The following GRM6 variants were observed in gnomAD, a reference collection of about 807,000 sequenced individuals.
The protein encoded by GRM6 is metabotropic glutamate receptor 6.
GRM6 carries 73 observed loss-of-function variants against 78.4 expected under a neutral mutation model. The observed-to-expected ratio is 0.93, with a 90% CI of 0.77 to 1.13. The LOEUF (loss-of-function observed/expected upper bound fraction) is 1.13. GRM6 is among the 50% of genes most tolerant of loss of function. The pLI is 0.00. For synonymous variants in GRM6, 580 were observed against 555.0 expected (o/e 1.05, Z -0.63); for missense variants, 1,251 against 1,256.4 (o/e 1.00, Z 0.07).
At chr5:178,989,215 T>TCCCCCCCCCCCCCCCCCCCCCCCCC in intron 6 of GRM6, 50 bp downstream of exon 6, 1 of 886,720 alleles carries the variant, frequency 1.1e-6, no homozygotes, top group Non-Finnish European at 1.6e-6. Context: ...CTCCCCACCC[T>TCCCCCCCCCCCCCCCCCCCCCCCCC]CACCACCCTC....
At position 178,994,845 on chromosome 5, in the gene GRM6, G is replaced by A. The variant is rs1207061592; in HGVS notation, c.100C>T (p.Arg34Cys). ...AGLARAAGSV[R>C]LAGGLTLGGL... ...CCCAGCGTCAGGCCGCCCGCCAGGC[G>A]CACAGAGCCCGCCGCGCGCGCCAGG... Residue 34 changes from arginine to cysteine, a missense_variant, in exon 2 of 11, where the codon CGC becomes TGC. Transcript: ENST00000517717. 8.2e-7 allele frequency: 1 copy of A among 1,222,186 alleles called. No individual in the cohort carries two copies. Among genetic ancestry groups the A allele is most frequent in the Non-Finnish European group, 1.0e-6 (1 of 981,778 alleles). The allele number at this position is 1,222,186 out of a possible 1,614,324, so 75.7% of individuals were successfully genotyped here. A position where few individuals can be genotyped will look rare whatever the true frequency, so the allele number is the denominator to read the frequency against.
intron 9 of GRM6, 46 bp downstream of exon 9, chr5:178,986,084 G>C (rs1760534282): frequency 7.0e-6 from 11 of 1,574,222 alleles, no homozygotes; most frequent in Non-Finnish European, 9.5e-6. Flanking sequence ...TAACGTTGCG[G>C]ACAGTCCCCC....
intron 5 of GRM6, 60 bp downstream of exon 5, chr5:178,990,532 C>A: frequency 7.3e-7 from 1 of 1,376,906 alleles, no homozygotes; most frequent in Non-Finnish European, 1.0e-6. Context: ...AAATGAGCAT[C>A]CCCAAGAGGG....
chr5:178,981,752 G>A lies in GRM6; in HGVS notation c.2539C>T (p.Pro847Ser). ...TTTCGCTTCTGCACATTCTGCTCTG[G>A]ATGGAAGAGGATGACGTAGGTTTTG... The part of the protein sequence containing the change: ...VPKTYVILFH[P>S]EQNVQKRKRS... Residue 847 changes from proline to serine, a missense_variant, in exon 11 of 11, where the codon CCA becomes TCA. Physicochemically the swap from Pro to Ser is moderately conservative, Grantham distance 74. Transcript: ENST00000517717. This position sits in a 1 kb window ranked among gnomAD's most constrained non-coding sequence, Gnocchi z 5.1. 6.2e-7 allele frequency: 1 copy of A among 1,613,584 alleles called. No homozygotes were observed.
chr5:178,986,034 C>A (rs1760532947), intron 9 of GRM6, 96 bp downstream of exon 9: 2 of 1,171,058 alleles, frequency 1.7e-6, no homozygotes, highest in African/African-American at 3.0e-5. Flanking sequence ...GGTGCTGGGA[C>A]TACAGGCGTG....
chr5:178,984,541 C>T (rs529741577), intron 9 of GRM6, among the ~76,000 whole-genome samples: 11 of 152,054 alleles, frequency 7.2e-5, no homozygotes, highest in African/African-American at 9.7e-5. Context: ...CAGTGTGGGG[C>T]GGGCAGTGGC....
At chr5:178,985,173 T>C (rs1760486572) in intron 9 of GRM6, 3 of 430,704 alleles carry the variant, frequency 7.0e-6, no homozygotes, top group Admixed American at 2.5e-5. Context: ...GACTCCCTTG[T>C]GGAAACAGGA....
chr5:178,985,769 C>A, intron 9 of GRM6: 2 of 460,952 alleles, frequency 4.3e-6, no homozygotes, highest in Middle Eastern at 3.3e-4. Flanking sequence ...CGGCATTTAT[C>A]TTTTTGTTTT....
chr5:178,991,434 C>G lies in GRM6; in HGVS notation c.847G>C (p.Asp283His). 6.2e-7 allele frequency: 1 copy of G among 1,614,056 alleles called. No individual in the cohort carries two copies. The highest frequency in any genetic ancestry group is 8.5e-7 in the Non-Finnish European group (1 of 1,179,964). Residue 283 changes from aspartate (D) to histidine (H), a missense_variant, in exon 4 of 11, where the codon GAT becomes CAT. Coordinates refer to ENST00000517717, the MANE Select transcript of GRM6 (RefSeq NM_000843.4). The surrounding 1 kb of genome is among the most constrained non-coding windows in gnomAD (Gnocchi z 5.0). ...ARGIIIFANE[D>H]DIRRVLEAAR... ...GTGCCACTGTCCCACCTGATGTCAT[C>G]CTCATTGGCAAAGATGATGATGCCC...
At position 178,994,268 on chromosome 5, in the gene GRM6, G is replaced by T. The variant is rs2856359; in HGVS notation, c.504+173C>A. On this transcript the variant is annotated intron_variant, in intron 2 of 10. Transcript: ENST00000517717. ...TGGGCGGCTGGAGTGTTTGGGTGGA[G>T]CCGATTCAGGCCTGCGTCGGGCTCA... 0.98 allele frequency among the ~76,000 whole-genome samples: 149,879 copies of T among 152,316 alleles called. 73,793 individuals are homozygous for T. Among genetic ancestry groups the T allele is most frequent in the East Asian group, 1 (5,148 of 5,148 alleles).
At position 178,985,640 on chromosome 5, in the gene GRM6, T is replaced by C. The variant is rs540104499; in HGVS notation, c.2124+490A>G. ...ATGGCGTGAACCCGGAAGGCAGAGC[T>C]TGCAGGGAGCTGAGATAGTGCCACT... On this transcript the variant is annotated intron_variant, in intron 9 of 10. Coordinates refer to ENST00000517717, the MANE Select transcript of GRM6 (RefSeq NM_000843.4). The C allele has an allele frequency of 4.0e-3, 1,497 of 377,562 alleles. 10 individuals are homozygous for C. The highest frequency in any genetic ancestry group is 4.8e-3 in the Non-Finnish European group (927 of 192,802). The allele number at this position is 377,562 out of a possible 1,614,324, so 23.4% of individuals were successfully genotyped here.
intron 9 of GRM6, chr5:178,985,719 A>G (rs1561717092): frequency 2.4e-6 from 1 of 417,884 alleles, no homozygotes; most frequent in Admixed American, 3.0e-5. Context: ...AAAAAACAAA[A>G]CAACACAGGA....
chr5:178,982,705 GAAA>G (rs1030286822), intron 10 of GRM6: 14 of 360,566 alleles, frequency 3.9e-5, no homozygotes, highest in African/African-American at 2.0e-4. Context: ...AAAAAAAAAA[GAAA>G]AAAAGAAGAG....
Position 178,984,838 on chromosome 5 carries a change from G to A in GRM6, c.2124+1292C>T, listed in dbSNP as rs565520664. ...GGACAGCACCGGGAGTGCTCCAAAC[G>A]GGTGAGCAGGTGTTCGCACTGAGGC... On this transcript the variant is annotated intron_variant, in intron 9 of 10. Coordinates refer to ENST00000517717, the MANE Select transcript of GRM6 (RefSeq NM_000843.4). Among the ~76,000 whole-genome samples, 38 of 152,204 alleles carry A rather than the reference G, an allele frequency of 2.5e-4. 1 individual carries two copies. The South Asian group carries it at 6.4e-3, about 26-fold the overall frequency.
chr5:178,985,064 C>A (rs559834093), intron 9 of GRM6, among the ~76,000 whole-genome samples: 7 of 152,116 alleles, frequency 4.6e-5, no homozygotes, highest in African/African-American at 1.7e-4. Flanking sequence ...ACGGCCAGCA[C>A]GAAACGCTGG....
At position 178,991,851 on chromosome 5, in the gene GRM6, G is replaced by C. The variant is rs3733913; in HGVS notation, c.721+16C>G. 183 of 1,606,128 alleles carry C rather than the reference G, an allele frequency of 1.1e-4. 1 individual carries two copies. The East Asian group carries it at 4.0e-3, about 36-fold the overall frequency. ...CACTATGTAGACTCCTTGGTGCCTC[G>C]GAGCCCCCAGCTCACCAGCCTCTCG... On this transcript the variant is annotated intron_variant, in intron 3 of 10. Coordinates refer to ENST00000517717, the MANE Select transcript of GRM6 (RefSeq NM_000843.4). This position sits in a 1 kb window ranked among gnomAD's most constrained non-coding sequence, Gnocchi z 5.0.
chr5:178,990,651 C>A lies in GRM6; in HGVS notation c.953G>T (p.Ser318Ile), dbSNP rs755939082. 23 of 1,611,898 alleles carry A rather than the reference C, an allele frequency of 1.4e-5. No homozygotes were observed. Among genetic ancestry groups the A allele is most frequent in the East Asian group, 1.1e-4 (5 of 44,822 alleles). Residue 318 changes from serine (S) to isoleucine (I), a missense_variant, in exon 5 of 11, where the codon AGC (serine) becomes ATC (isoleucine). By Grantham distance (142) the Ser-to-Ile change is moderately radical. Transcript: ENST00000517717. ...GGCCCCAACGGCCACGTCCTCCAGGCTCAAGATGGGTGAGGTCTTGGCTCC... is the reference window on the plus strand; with the variant it reads ...GGCCCCAACGGCCACGTCCTCCAGGATCAAGATGGGTGAGGTCTTGGCTCC... ...SWGAKTSPIL[S>I]LEDVAVGAIT...
At chr5:178,982,698 AAAAAAAG>A (rs1760422008) in intron 10 of GRM6, 2 of 394,926 alleles carry the variant, frequency 5.1e-6, no homozygotes, top group Admixed American at 4.6e-5. Flanking sequence ...ATGATAAAAA[AAAAAAAG>A]AAAAAAAGAA....
chr5:178,986,494 G>T lies in GRM6; in HGVS notation c.1760C>A (p.Ala587Asp). The T allele has an allele frequency of 6.2e-7, 1 of 1,610,360 alleles. No individual in the cohort carries two copies. Among genetic ancestry groups the T allele is most frequent in the Non-Finnish European group, 8.5e-7 (1 of 1,179,010 alleles). Residue 587 changes from alanine to aspartate, a missense_variant, in exon 9 of 11, where the codon GCC becomes GAC. Ala to Asp is a moderately radical substitution (Grantham distance 126). Coordinates refer to ENST00000517717, the MANE Select transcript of GRM6 (RefSeq NM_000843.4). ...CAGCACGGCCAGGAGGAGCGGCGGGGCTGCCCAGGGGGAGGACCAGCTCAG... is the reference window on the plus strand; with the variant it reads ...CAGCACGGCCAGGAGGAGCGGCGGGTCTGCCCAGGGGGAGGACCAGCTCAG... ...VRLSWSSPWA[A>D]PPLLLAVLGI...
Sources: gnomAD v4.1 joint callset for allele counts (sites outside exome capture counted in the v4.1 genomes callset) on GRCh38, gnomAD v4.1.1 for gene constraint, Gnocchi (gnomAD v3.1) non-coding constraint, MANE v1.5 for transcripts, NCBI Gene and HGNC (gene_info 2026-07-23, HGNC 2026-07-21) for gene names.